The following EML6 variants were observed in gnomAD, a reference collection of about 807,000 sequenced individuals.
The protein encoded by EML6 is EMAP like 6, also known as echinoderm microtubule-associated protein-like 6.
EML6 carries 154 observed loss-of-function variants against 240.1 expected under a neutral mutation model. The observed-to-expected ratio is 0.64, with a 90% CI of 0.56 to 0.73. EML6 has a LOEUF of 0.73. EML6 is among the 30% of genes least tolerant of loss of function. The pLI is 0.00. For missense variants in EML6, 2,964 were observed against 2,474.6 expected (o/e 1.20, Z -4.20); for synonymous variants, 1,148 against 899.0 (o/e 1.28, Z -4.95).
At chr2:54,829,513 T>C in intron 7 of EML6, 36 bp downstream of exon 7, 2 of 1,504,232 alleles carry the variant, frequency 1.3e-6, no homozygotes, top group Middle Eastern at 1.7e-4. Context: ...TAACTCTGGA[T>C]GTGAAATATA....
At chr2:54,897,863 C>T (rs1445479013) in intron 21 of EML6, among the ~76,000 whole-genome samples, 1 of 152,076 alleles carries the variant, frequency 6.6e-6, no homozygotes, top group African/African-American at 2.4e-5. Context: ...TTGCCCAGGA[C>T]CGTGTCACAG....
chr2:54,953,533 G>A (rs963480463), intron 31 of EML6, among the ~76,000 whole-genome samples: 1 of 152,056 alleles, frequency 6.6e-6, no homozygotes, highest in African/African-American at 2.4e-5. Context: ...TTCTCCTCTG[G>A]CCAGGTCAGG....
chr2:54,946,926 G>GA (rs565790853), intron 28 of EML6, among the ~76,000 whole-genome samples: 36 of 144,302 alleles, frequency 2.5e-4, no homozygotes, highest in Non-Finnish European at 3.7e-4. Context: ...AAATCAAGGT[G>GA]AAAAAAAAAA....
In EML6 at chr2:54,725,428, G is replaced by A. The variant is rs968158008; in HGVS notation, c.197+170G>A. On this transcript the variant is annotated intron_variant, in intron 2 of 41. Coordinates refer to ENST00000356458, the MANE Select transcript of EML6 (RefSeq NM_001039753.4). This position sits in a 1 kb window ranked among gnomAD's most constrained non-coding sequence, Gnocchi z 4.3. The stretch of plus-strand genomic sequence containing the variant: ...ATTCTAGGGCCAGGGCAGAAACAGT[G>A]TGGGGAGTGTAGGTGAGGAGGGAGA... 3.3e-5 allele frequency among the ~76,000 whole-genome samples: 5 copies of A among 152,210 alleles called. No homozygotes were observed. Among genetic ancestry groups the A allele is most frequent in the Middle Eastern group, 3.2e-3 (1 of 316 alleles).
In EML6 at chr2:54,847,541, G is replaced by T; in HGVS notation, c.1105G>T (p.Val369Phe). ...LIARCNMEEA[V>F]RSVAFSPDGS... The stretch of plus-strand genomic sequence containing the variant: ...CGCCCGCTGTAACATGGAAGAGGCG[G>T]TTCGCAGTGTAGCTTTCAGCCCCGA... Residue 369 changes from valine (V) to phenylalanine (F), a missense_variant, in exon 9 of 42, where the codon GTT becomes TTT. Coordinates refer to ENST00000356458, the MANE Select transcript of EML6 (RefSeq NM_001039753.4). 6.4e-7 allele frequency: 1 copy of T among 1,552,214 alleles called. No individual in the cohort carries two copies. Among genetic ancestry groups the T allele is most frequent in the Non-Finnish European group, 8.7e-7 (1 of 1,147,114 alleles).
At chr2:54,919,709 G>T (rs1192497819) in intron 26 of EML6, among the ~76,000 whole-genome samples, 1 of 152,182 alleles carries the variant, frequency 6.6e-6, no homozygotes, top group Non-Finnish European at 1.5e-5. Context: ...TTTTGGAGCA[G>T]CTATTTAGAT....
At chr2:54,906,474 C>A (rs114509627) in intron 24 of EML6, among the ~76,000 whole-genome samples, 3,634 of 152,254 alleles carry the variant, frequency 0.024, 65 homozygotes, top group Non-Finnish European at 0.031. Flanking sequence ...CTCCCTATTT[C>A]CATAATCTTG....
intron 2 of EML6, among the ~76,000 whole-genome samples, chr2:54,750,411 C>T (rs1406646005): frequency 6.6e-6 from 1 of 152,162 alleles, no homozygotes; most frequent in African/African-American, 2.4e-5. Flanking sequence ...GCATCACCAC[C>T]ACAGTTTTTT....
chr2:54,853,756 G>A lies in EML6; in HGVS notation c.1558G>A (p.Asp520Asn). ...TTGGCCCAAATACACTGAGGTTACT[G>A]ACATCAACTCAGTGGATGCGAATTA... Reference protein sequence around the residue: ...GIWPKYTEVTDINSVDANYNS... With the variant: ...GIWPKYTEVTNINSVDANYNS... The change falls in exon 11 of 42, where the codon GAC (aspartate) becomes AAC (asparagine). Residue 520 changes from aspartate to asparagine, a missense_variant. Physicochemically the swap from Asp to Asn is conservative, Grantham distance 23. Transcript: ENST00000356458. 4 of 1,551,328 alleles carry A rather than the reference G, an allele frequency of 2.6e-6. No individual in the cohort carries two copies. Among genetic ancestry groups the A allele is most frequent in the Non-Finnish European group, 3.5e-6 (4 of 1,146,676 alleles).
chr2:54,863,596 G>A (rs1670797870), intron 12 of EML6, among the ~76,000 whole-genome samples, 187 bp from the exon 13 acceptor site: 1 of 152,146 alleles, frequency 6.6e-6, no homozygotes, highest in South Asian at 2.1e-4. Context: ...GTTCCTGAAA[G>A]GAGTGAAGGG....
chr2:54,840,897 G>C (rs1669410632), intron 7 of EML6, among the ~76,000 whole-genome samples: 1 of 152,210 alleles, frequency 6.6e-6, no homozygotes, highest in Non-Finnish European at 1.5e-5. Flanking sequence ...CTTCCTTCCT[G>C]ATGATGCTGA....
intron 2 of EML6, among the ~76,000 whole-genome samples, chr2:54,746,009 G>A (rs1388642306): frequency 6.6e-6 from 1 of 152,218 alleles, no homozygotes; most frequent in Non-Finnish European, 1.5e-5. Context: ...GGTGGAGGAA[G>A]TGGAGGTGGG....
At chr2:54,854,403 T>C (rs1425253751) in intron 11 of EML6, among the ~76,000 whole-genome samples, 1 of 152,218 alleles carries the variant, frequency 6.6e-6, no homozygotes, top group Non-Finnish European at 1.5e-5. Context: ...GTTGTTTTGT[T>C]TTGTTAAAAT....
intron 28 of EML6, 51 bp from the exon 29 acceptor site, chr2:54,948,831 C>A: frequency 7.0e-7 from 1 of 1,433,332 alleles, no homozygotes; most frequent in Admixed American, 2.0e-5. Context: ...GGAAGGCAGC[C>A]TTGCAGCCCT....
chr2:54,746,046 T>C (rs1018126784), intron 2 of EML6, among the ~76,000 whole-genome samples: 1 of 152,200 alleles, frequency 6.6e-6, no homozygotes, highest in Non-Finnish European at 1.5e-5. Flanking sequence ...TGCAAAAAGA[T>C]GGACCAGGAT....
intron 2 of EML6, among the ~76,000 whole-genome samples, chr2:54,808,524 AAAAAC>A (rs904823393): frequency 2.6e-5 from 4 of 151,598 alleles, no homozygotes; most frequent in Admixed American, 1.3e-4. Flanking sequence ...TTTTTTTTCC[AAAAAC>A]AAAACAAAAA....
intron 3 of EML6, among the ~76,000 whole-genome samples, chr2:54,814,816 T>A (rs770803698): frequency 7.9e-5 from 12 of 152,244 alleles, no homozygotes; most frequent in Non-Finnish European, 1.5e-4. Context: ...TTATTACATA[T>A]GTAGACCCCT....
chr2:54,742,973 A>G (rs1683722269), intron 2 of EML6, among the ~76,000 whole-genome samples: 1 of 152,236 alleles, frequency 6.6e-6, no homozygotes, highest in South Asian at 2.1e-4. Context: ...ATTCCTACGC[A>G]TATTTCTGGC....
chr2:54,779,767 T>G (rs1251332985), intron 2 of EML6, among the ~76,000 whole-genome samples: 1 of 140,672 alleles, frequency 7.1e-6, no homozygotes. Flanking sequence ...AAGGCTGAAG[T>G]GGGAGGATGG....
Sources: allele counts gnomAD v4.1 joint callset (sites outside exome capture counted in the v4.1 genomes callset), GRCh38; gene constraint gnomAD v4.1.1; non-coding constraint Gnocchi (gnomAD v3.1); transcripts MANE v1.5; gene names NCBI Gene and HGNC (gene_info 2026-07-23, HGNC 2026-07-21).